The following EML5 variants were observed in gnomAD, a reference collection of about 807,000 sequenced individuals.
EML5 encodes the protein EMAP like 5.
EML5 carries 120 observed loss-of-function variants against 250.0 expected under a neutral mutation model. That is an observed-to-expected ratio of 0.48 (90% CI 0.41 to 0.56). EML5 has a LOEUF of 0.56. Ranked by LOEUF, EML5 falls within the 20% of genes least tolerant of loss-of-function variation. The pLI, the probability that EML5 is intolerant of heterozygous loss-of-function variation, is 0.00. For missense variants in EML5, 2,006 were observed against 2,437.6 expected (o/e 0.82, Z 3.73); for synonymous variants, 771 against 806.5 (o/e 0.96, Z 0.75).
chr14:88,659,237 C>G (rs892409598), intron 25 of EML5, among the ~76,000 whole-genome samples: 2 of 146,800 alleles, frequency 1.4e-5, no homozygotes, highest in Non-Finnish European at 3.0e-5. Context: ...GGAATGACGA[C>G]TCTCTTTTTT....
chr14:88,711,093 A>C (rs1326018120), intron 10 of EML5, among the ~76,000 whole-genome samples: 1 of 152,080 alleles, frequency 6.6e-6, no homozygotes, highest in Non-Finnish European at 1.5e-5. Context: ...ACACTTCATA[A>C]CCAGGCAAGT....
At position 88,696,452 on chromosome 14, in the gene EML5, A is replaced by T. The variant is rs192882275; in HGVS notation, c.2344+395T>A. Among the ~76,000 whole-genome samples, 90 of 151,956 alleles carry T rather than the reference A, an allele frequency of 5.9e-4. 1 individual carries two copies. The East Asian group carries it at 0.015, about 26-fold the overall frequency. ...TCTAAAATAAGTATTTCAATTCTCA[A>T]CTCTTTCTTTGCTAGCCTTTTACCC... On this transcript the variant is annotated intron_variant, in intron 15 of 43. Transcript: ENST00000554922.
chr14:88,629,755 T>C (rs2090322747), intron 33 of EML5, among the ~76,000 whole-genome samples: 1 of 152,146 alleles, frequency 6.6e-6, no homozygotes, highest in Non-Finnish European at 1.5e-5. Context: ...ATAACTGACT[T>C]GCCCTAATAC....
At chr14:88,636,700 T>G (rs1235811681) in intron 32 of EML5, among the ~76,000 whole-genome samples, 1 of 151,902 alleles carries the variant, frequency 6.6e-6, no homozygotes, top group Non-Finnish European at 1.5e-5. Flanking sequence ...TAGATAAGAC[T>G]CAGGGAGAAT....
At chr14:88,694,847 TAATA>T (rs1421383047) in intron 16 of EML5, among the ~76,000 whole-genome samples, 2 of 152,168 alleles carry the variant, frequency 1.3e-5, no homozygotes, top group Non-Finnish European at 2.9e-5. Flanking sequence ...AACATCGCTT[TAATA>T]AATAGCAGGT....
chr14:88,770,708 T>C (rs2094382853), intron 1 of EML5, among the ~76,000 whole-genome samples: 1 of 152,200 alleles, frequency 6.6e-6, no homozygotes, highest in Non-Finnish European at 1.5e-5. Flanking sequence ...TATCTTACAG[T>C]TAAGTTTCAT....
chr14:88,729,864 T>TA (rs1196499245), intron 7 of EML5, among the ~76,000 whole-genome samples: 1 of 85,724 alleles, frequency 1.2e-5, no homozygotes, highest in African/African-American at 9.0e-5. Flanking sequence ...CTCGGTCTTG[T>TA]TTTTTGTTTT....
chr14:88,637,024 T>C (rs1165004435), intron 32 of EML5, among the ~76,000 whole-genome samples: 2 of 152,166 alleles, frequency 1.3e-5, no homozygotes, highest in Non-Finnish European at 2.9e-5. Flanking sequence ...AATTACTCTA[T>C]GATCTATATG....
At chr14:88,638,962 A>T (rs1385342948) in intron 31 of EML5, 55 bp from the exon 32 acceptor site, 17 of 1,342,284 alleles carry the variant, frequency 1.3e-5, no homozygotes, top group Non-Finnish European at 1.7e-5. Context: ...TAACAGCCAA[A>T]AGCACTTACC....
intron 33 of EML5, among the ~76,000 whole-genome samples, chr14:88,628,454 C>T (rs552248976): frequency 8.6e-5 from 13 of 151,934 alleles, no homozygotes; most frequent in Non-Finnish European, 1.3e-4. Flanking sequence ...TAGCTTGTTT[C>T]TGCTGCTTAA....
intron 21 of EML5, among the ~76,000 whole-genome samples, chr14:88,672,434 A>G (rs2092487641): frequency 6.6e-6 from 1 of 152,160 alleles, no homozygotes; most frequent in Non-Finnish European, 1.5e-5. Context: ...AAATGCCCAC[A>G]TCAAAAAGCT....
At chr14:88,699,448 A>G (rs2093157582) in intron 14 of EML5, among the ~76,000 whole-genome samples, 1 of 151,796 alleles carries the variant, frequency 6.6e-6, no homozygotes, top group South Asian at 2.1e-4. Flanking sequence ...CTGACTCTCC[A>G]ACCTCCCCTT....
Position 88,615,751 on chromosome 14 carries a change from G to A in EML5, c.*67C>T. 1 of 1,499,802 alleles carries A rather than the reference G, an allele frequency of 6.7e-7. No homozygotes were observed. Among genetic ancestry groups the A allele is most frequent in the Non-Finnish European group, 9.1e-7 (1 of 1,095,908 alleles). 92.9% of individuals were successfully genotyped at this position (1,499,802 alleles called of 1,614,324 possible). ...TAGCACCACTTGACCATGCAGGGTTGGGTTTTGGTTTTTCTTCTCTGTAAT... is the reference window on the plus strand; with the variant it reads ...TAGCACCACTTGACCATGCAGGGTTAGGTTTTGGTTTTTCTTCTCTGTAAT... On this transcript the variant is annotated 3_prime_UTR_variant, in exon 44 of 44. Transcript: ENST00000554922.
intron 2 of EML5, among the ~76,000 whole-genome samples, chr14:88,750,476 T>C (rs1051759500): frequency 1.3e-5 from 2 of 152,188 alleles, no homozygotes; most frequent in African/African-American, 4.8e-5. Flanking sequence ...AATTGACATA[T>C]GTACTACTTA....
chr14:88,696,904 G>A lies in EML5; in HGVS notation c.2287C>T (p.Pro763Ser). ...TGGTGGCCCTTTAATATGGACAATG[G>A]TTTAATGGTCTCTGTATCCCATATA... ...IHIWDTETIK[P>S]LSILKGHHQY... Residue 763 changes from proline to serine, a missense_variant, in exon 15 of 44, where the codon CCA (proline) becomes TCA (serine). Around this residue, in one of 7 missense-constraint regions of EML5, gnomAD observed 1,375 missense variants for 1,590.3 expected, o/e 0.86. Transcript: ENST00000554922. The A allele has an allele frequency of 6.2e-7, 1 of 1,610,038 alleles. No individual in the cohort carries two copies. Among genetic ancestry groups the A allele is most frequent in the East Asian group, 2.2e-5 (1 of 44,710 alleles).
At chr14:88,663,284 A>G (rs2092190646) in intron 23 of EML5, among the ~76,000 whole-genome samples, 165 bp from the exon 24 acceptor site, 1 of 152,150 alleles carries the variant, frequency 6.6e-6, no homozygotes, top group Non-Finnish European at 1.5e-5. Flanking sequence ...ATAATTCCAT[A>G]TTACTAAGTA....
intron 1 of EML5, among the ~76,000 whole-genome samples, chr14:88,767,887 A>T (rs201339176): frequency 6.8e-6 from 1 of 147,944 alleles, no homozygotes. Flanking sequence ...TTATTCAAAA[A>T]TTCACCATTT....
At chr14:88,789,289 AAAG>A (rs2094582866) in intron 1 of EML5, among the ~76,000 whole-genome samples, 1 of 152,182 alleles carries the variant, frequency 6.6e-6, no homozygotes, top group Admixed American at 6.5e-5. Flanking sequence ...AACTTGAGAA[AAAG>A]AACAAAAAAG....
chr14:88,695,112 G>A (rs1255235935), intron 16 of EML5, among the ~76,000 whole-genome samples: 2 of 151,902 alleles, frequency 1.3e-5, no homozygotes, highest in Non-Finnish European at 2.9e-5. Context: ...AACTGTACGT[G>A]GAGATTTTAG....
Sources: gnomAD v4.1 joint callset for allele counts (sites outside exome capture counted in the v4.1 genomes callset) on GRCh38, gnomAD v4.1.1 for gene constraint, gnomAD v4.1.1 regional missense constraint, MANE v1.5 for transcripts, NCBI Gene and HGNC (gene_info 2026-07-23, HGNC 2026-07-21) for gene names.